Variants in EBF1 observed in about 807,000 individuals in gnomAD.
EBF1 encodes EBF transcription factor 1.
A neutral mutation model predicts 68.4 loss-of-function variants in EBF1; 10 were observed. The ratio of observed to expected loss-of-function variants is 0.15; its 90% CI spans 0.09 to 0.25. The LOEUF is 0.25. Among genes scored for constraint, EBF1 ranks in the 10% least tolerant of loss-of-function variants. The pLI, the probability that EBF1 is intolerant of heterozygous loss-of-function variation, is 1.00. For synonymous variants in EBF1, 298 were observed against 299.8 expected (o/e 0.99, Z 0.06); for missense variants, 509 against 794.4 (o/e 0.64, Z 4.32).
chr5:158,924,876 A>AG, intron 6 of EBF1, among the ~76,000 whole-genome samples: 2 of 150,158 alleles, frequency 1.3e-5, no homozygotes, highest in East Asian at 3.9e-4. Context: ...AAAAAAAAAA[A>AG]GATAAACTGA....
chr5:158,729,976 G>A (rs558162819), intron 11 of EBF1, among the ~76,000 whole-genome samples: 20 of 152,300 alleles, frequency 1.3e-4, no homozygotes, highest in South Asian at 1.2e-3. Context: ...GCCAGCACAC[G>A]GGTAGGATTT....
intron 4 of EBF1, among the ~76,000 whole-genome samples, chr5:159,086,080 A>T (rs987685491): frequency 2.8e-4 from 42 of 152,146 alleles, no homozygotes; most frequent in African/African-American, 9.4e-4. Context: ...TATTTTAAAA[A>T]TTTTTTTACT....
chr5:158,747,361 A>T (rs1767813634), intron 10 of EBF1, among the ~76,000 whole-genome samples: 1 of 152,182 alleles, frequency 6.6e-6, no homozygotes, highest in South Asian at 2.1e-4. Context: ...TATTTCACAG[A>T]TGAGAAAACT....
At chr5:158,765,203 G>A (rs1163500692) in intron 10 of EBF1, among the ~76,000 whole-genome samples, 1 of 152,006 alleles carries the variant, frequency 6.6e-6, no homozygotes, top group East Asian at 1.9e-4. Flanking sequence ...TGTCTTCTGA[G>A]CTAACCAATG....
At chr5:158,974,578 G>A (rs1198513000) in intron 6 of EBF1, among the ~76,000 whole-genome samples, 1 of 152,080 alleles carries the variant, frequency 6.6e-6, no homozygotes, top group Non-Finnish European at 1.5e-5. Flanking sequence ...CTCCCTGATA[G>A]GCAATAATGG....
intron 10 of EBF1, among the ~76,000 whole-genome samples, chr5:158,751,023 CTTA>C (rs1768760244): frequency 6.6e-6 from 1 of 151,982 alleles, no homozygotes; most frequent in South Asian, 2.1e-4. Flanking sequence ...TGGGAAAATG[CTTA>C]TTAGGCTATG....
intron 6 of EBF1, among the ~76,000 whole-genome samples, chr5:159,024,302 G>T (rs1767289704): frequency 6.6e-6 from 1 of 152,194 alleles, no homozygotes; most frequent in African/African-American, 2.4e-5. Context: ...CTGCGTGACA[G>T]TTGACAAGCT....
intron 6 of EBF1, among the ~76,000 whole-genome samples, chr5:159,066,412 T>C (rs533499976): frequency 5.8e-4 from 89 of 152,216 alleles, no homozygotes; most frequent in African/African-American, 1.4e-3. Flanking sequence ...CTTTCAAAAA[T>C]AGAAATTCCC....
intron 9 of EBF1, among the ~76,000 whole-genome samples, chr5:158,782,281 A>G (rs1012524713): frequency 7.9e-5 from 12 of 152,200 alleles, no homozygotes; most frequent in African/African-American, 2.9e-4. Flanking sequence ...GCTTTGTGCC[A>G]TAAATAGTGT....
chr5:158,830,976 C>T (rs1030148728), intron 7 of EBF1, among the ~76,000 whole-genome samples: 5 of 152,186 alleles, frequency 3.3e-5, no homozygotes, highest in African/African-American at 7.2e-5. Context: ...TCCTCAGATA[C>T]ATGTGCTAAG....
chr5:158,891,788 T>C (rs1336221841), intron 6 of EBF1, among the ~76,000 whole-genome samples: 1 of 152,238 alleles, frequency 6.6e-6, no homozygotes, highest in Non-Finnish European at 1.5e-5. Flanking sequence ...TCTCTTACTC[T>C]ATAGTTTTCC....
At chr5:159,048,276 C>A (rs1390125163) in intron 6 of EBF1, among the ~76,000 whole-genome samples, 1 of 152,228 alleles carries the variant, frequency 6.6e-6, no homozygotes. Context: ...TCAAGCTTCC[C>A]TCCCCATAGG....
At chr5:158,758,737 C>T (rs1249428216) in intron 10 of EBF1, among the ~76,000 whole-genome samples, 3 of 152,124 alleles carry the variant, frequency 2.0e-5, no homozygotes, top group Admixed American at 2.0e-4. Context: ...GATGACGTGA[C>T]ATCATTTACT....
At chr5:158,910,310 C>T (rs779915676) in intron 6 of EBF1, among the ~76,000 whole-genome samples, 5 of 152,206 alleles carry the variant, frequency 3.3e-5, no homozygotes, top group Admixed American at 6.5e-5. Context: ...TATTAAAATG[C>T]CCTTCTCACA....
In EBF1 at chr5:158,698,662, T is replaced by C. The variant is rs201417667; in HGVS notation, c.*449A>G. ...CAAGCTTTTTTTTTTTTCCTTTTTT[T>C]CTTTTTTTTTTTTTTTACTTTTTTG... On this transcript the variant is annotated 3_prime_UTR_variant, in exon 16 of 16. Transcript: ENST00000313708. The C allele has an allele frequency of 7.7e-5, 15 of 194,302 alleles. No individual in the cohort carries two copies. Among genetic ancestry groups the C allele is most frequent in the Non-Finnish European group, 1.5e-4 (14 of 94,684 alleles). 12.0% of individuals were successfully genotyped at this position (194,302 alleles called of 1,614,324 possible).
At chr5:158,851,602 A>AGAAGG (rs1338533611) in intron 6 of EBF1, among the ~76,000 whole-genome samples, 15 of 41,648 alleles carry the variant, frequency 3.6e-4, no homozygotes, top group African/African-American at 1.6e-3. Flanking sequence ...AGGGGAGGGG[A>AGAAGG]GAAGGGAAGG....
chr5:158,812,759 T>C (rs1782930040), intron 8 of EBF1, among the ~76,000 whole-genome samples: 1 of 152,118 alleles, frequency 6.6e-6, no homozygotes, highest in Non-Finnish European at 1.5e-5. Flanking sequence ...TCCGTATGTA[T>C]TATCATAATG....
At position 158,698,672 on chromosome 5, in the gene EBF1, TTTTTTTA is replaced by T. The variant is rs1756141496; in HGVS notation, c.*432_*438del. The T allele has an allele frequency of 9.5e-6, 2 of 210,316 alleles. 1 individual carries two copies. Among genetic ancestry groups the T allele is most frequent in the Non-Finnish European group, 1.9e-5 (2 of 104,210 alleles). 13.0% of individuals were successfully genotyped at this position (210,316 alleles called of 1,614,324 possible). On this transcript the variant is annotated 3_prime_UTR_variant, in exon 16 of 16. Transcript: ENST00000313708. Reference sequence around the variant, plus strand: ...TTTTTTTCCTTTTTTTCTTTTTTTTTTTTTTTACTTTTTTGTAAATATCACCACTTCA... The same window carrying T: ...TTTTTTTCCTTTTTTTCTTTTTTTTTCTTTTTTGTAAATATCACCACTTCA...
At chr5:159,077,320 T>A (rs992409894) in intron 5 of EBF1, among the ~76,000 whole-genome samples, 3 of 152,124 alleles carry the variant, frequency 2.0e-5, no homozygotes, top group East Asian at 3.8e-4. Flanking sequence ...GTGCCTGTGA[T>A]CCCAGCTACT....
Sources: gnomAD v4.1 joint callset for allele counts (sites outside exome capture counted in the v4.1 genomes callset) on GRCh38, gnomAD v4.1.1 for gene constraint, MANE v1.5 for transcripts, NCBI Gene and HGNC (gene_info 2026-07-23, HGNC 2026-07-21) for gene names.